RPTOR: variants seen among roughly 807,000 people sequenced by gnomAD.
RPTOR encodes regulatory associated protein of MTOR complex 1.
In RPTOR, 21 loss-of-function variants were observed where a neutral mutation model predicts 169.9. That is an observed-to-expected ratio of 0.12 (90% CI 0.09 to 0.18). The LOEUF is 0.18. Ranked by LOEUF, RPTOR falls within the 10% of genes least tolerant of loss-of-function variation. RPTOR has a pLI of 1.00. For missense variants in RPTOR, 1,133 were observed against 1,855.9 expected, an observed-to-expected ratio of 0.61 and a Z score of 7.16; for synonymous variants, 732 against 753.2, an observed-to-expected ratio of 0.97 and a Z score of 0.46.
intron 1 of RPTOR, among the ~76,000 whole-genome samples, chr17:80,571,660 G>A (rs181200826): frequency 2.4e-3 from 367 of 152,120 alleles, no homozygotes; most frequent in African/African-American, 8.5e-3. Flanking sequence ...AACTGAGACT[G>A]CAGGTGCACA....
chr17:80,778,398 A>G (rs374152554), intron 6 of RPTOR, among the ~76,000 whole-genome samples: 25 of 152,350 alleles, frequency 1.6e-4, no homozygotes, highest in East Asian at 7.7e-4. Context: ...CACCCTTTGG[A>G]ACAGTCATTT....
At chr17:80,914,662 C>T (rs1030763319) in intron 21 of RPTOR, among the ~76,000 whole-genome samples, 1 of 151,782 alleles carries the variant, frequency 6.6e-6, no homozygotes, top group African/African-American at 2.4e-5. Flanking sequence ...CGGGGCAGTG[C>T]TCACATGCCA....
rs200920757 is a variant in RPTOR at position 80,925,423 on chromosome 17, G to A, written c.2862G>A (p.Thr954=). 2.3e-4 allele frequency: 365 copies of A among 1,613,666 alleles called. 6 individuals are homozygous for A. In the South Asian group the frequency reaches 3.6e-3, roughly 16 times the overall value. Residue 954 remains threonine, a synonymous_variant, in exon 24 of 34, where the codon ACG becomes ACA. Transcript: ENST00000306801. ...GACACAAAAGTTTCATCTCCGCCAC[G>A]GTGCAGACGGGGTTCTGCGACTGGA... ...AAGHKSFISA[T]VQTGFCDWSA...
At chr17:80,740,616 A>G (rs533106427) in intron 5 of RPTOR, among the ~76,000 whole-genome samples, 8 of 152,324 alleles carry the variant, frequency 5.3e-5, no homozygotes, top group Non-Finnish European at 7.3e-5. Flanking sequence ...GTCTAGTTCA[A>G]TGTTTAAAAA....
chr17:80,782,896 A>C (rs11150744), intron 6 of RPTOR, among the ~76,000 whole-genome samples: 26,634 of 152,172 alleles, frequency 0.18, 2,786 homozygotes, highest in East Asian at 0.24. Flanking sequence ...AATCGGGCCA[A>C]GGAGCACGGA....
intron 7 of RPTOR, among the ~76,000 whole-genome samples, chr17:80,796,550 C>A (rs1255494298): frequency 6.6e-6 from 1 of 152,198 alleles, no homozygotes; most frequent in Non-Finnish European, 1.5e-5. Context: ...ATCACGAGAA[C>A]AGCCACTCCC....
chr17:80,886,856 C>G (rs2068253818), intron 17 of RPTOR, among the ~76,000 whole-genome samples: 1 of 152,214 alleles, frequency 6.6e-6, no homozygotes, highest in African/African-American at 2.4e-5. Context: ...AGGGGGATGA[C>G]AGCCCCTGCC....
chr17:80,676,427 C>T (rs377534039), intron 3 of RPTOR, among the ~76,000 whole-genome samples: 1 of 152,172 alleles, frequency 6.6e-6, no homozygotes, highest in Non-Finnish European at 1.5e-5. Flanking sequence ...TCTTCTGTTC[C>T]GGGGTAGCCA....
chr17:80,600,224 CTT>C (rs1302104263), intron 1 of RPTOR, among the ~76,000 whole-genome samples: 4 of 152,166 alleles, frequency 2.6e-5, no homozygotes, highest in Non-Finnish European at 5.9e-5. Context: ...GGGCTTGTCT[CTT>C]TATGGGTGTG....
chr17:80,682,106 G>T (rs937102443), intron 3 of RPTOR, among the ~76,000 whole-genome samples: 1 of 67,798 alleles, frequency 1.5e-5, no homozygotes, highest in East Asian at 6.5e-4. Flanking sequence ...ATGTGATTAG[G>T]TCCCCCCCCC....
chr17:80,885,956 C>T (rs1382091275), intron 17 of RPTOR, among the ~76,000 whole-genome samples: 2 of 152,222 alleles, frequency 1.3e-5, no homozygotes, highest in Admixed American at 6.5e-5. Flanking sequence ...GCAAAAGGGG[C>T]GTTTAGGAAG....
At chr17:80,743,212 T>C in intron 5 of RPTOR, 1 of 982,756 alleles carries the variant, frequency 1.0e-6, no homozygotes. Flanking sequence ...GCCAAGGCTC[T>C]CTCTCTTATG....
At chr17:80,907,488 T>C (rs892008510) in intron 20 of RPTOR, among the ~76,000 whole-genome samples, 1 of 152,250 alleles carries the variant, frequency 6.6e-6, no homozygotes, top group Non-Finnish European at 1.5e-5. Context: ...TTGCTGGACA[T>C]GCAGCCTCTA....
At chr17:80,549,746 T>C (rs2084322301) in intron 1 of RPTOR, among the ~76,000 whole-genome samples, 1 of 152,230 alleles carries the variant, frequency 6.6e-6, no homozygotes. Flanking sequence ...GAGCTATTGC[T>C]CTGAAAGTGT....
At chr17:80,625,171 G>A (rs184329600) in intron 1 of RPTOR, among the ~76,000 whole-genome samples, 1 of 152,312 alleles carries the variant, frequency 6.6e-6, no homozygotes. Flanking sequence ...TCCACGGAGA[G>A]TGAACAACGC....
intron 4 of RPTOR, among the ~76,000 whole-genome samples, chr17:80,718,755 T>C (rs539854452): frequency 9.9e-5 from 15 of 152,282 alleles, no homozygotes; most frequent in Middle Eastern, 3.4e-3. Flanking sequence ...GGAGCCTGAA[T>C]TGGGTTTCAA....
chr17:80,938,895 A>G (rs1005591017), intron 24 of RPTOR, among the ~76,000 whole-genome samples: 4 of 152,232 alleles, frequency 2.6e-5, no homozygotes, highest in Non-Finnish European at 5.9e-5. Flanking sequence ...GCATTTGCAC[A>G]TGATAACCAC....
In RPTOR at chr17:80,803,838, G is replaced by C. The variant is rs2067188755; in HGVS notation, c.890+12329G>C. The C allele has an allele frequency of 6.6e-6, 1 of 152,266 alleles. No individual in the cohort carries two copies. The highest frequency in any genetic ancestry group is 1.5e-5 in the Non-Finnish European group (1 of 68,074). 9.4% of individuals were successfully genotyped at this position (152,266 alleles called of 1,614,324 possible). A position where few individuals can be genotyped will look rare whatever the true frequency, so the allele number is the denominator to read the frequency against. On this transcript the variant is annotated intron_variant, in intron 7 of 33. Coordinates refer to ENST00000306801, the MANE Select transcript of RPTOR (RefSeq NM_020761.3). The surrounding 1 kb of genome is among the most constrained non-coding windows in gnomAD (Gnocchi z 6.2). ...GCCTGGATGCTTCTTTGATTGGGCA[G>C]CCTGATGAGGCCCATGAAGAGGCAA...
chr17:80,953,568 G>A (rs564154990), intron 28 of RPTOR, among the ~76,000 whole-genome samples: 11 of 152,402 alleles, frequency 7.2e-5, no homozygotes, highest in African/African-American at 1.4e-4. Context: ...CCGGATGGCC[G>A]TGCCTCCAGG....
Sources: allele counts gnomAD v4.1 joint callset (sites outside exome capture counted in the v4.1 genomes callset), GRCh38; gene constraint gnomAD v4.1.1; non-coding constraint Gnocchi (gnomAD v3.1); transcripts MANE v1.5; gene names NCBI Gene and HGNC (gene_info 2026-07-23, HGNC 2026-07-21).